Variants in GTF2A1L observed in about 807,000 individuals in gnomAD.
GTF2A1L encodes the protein TFIIA-alpha and beta-like factor.
GTF2A1L carries 48 observed loss-of-function variants against 49.7 expected under a neutral mutation model. The observed-to-expected ratio is 0.97, with a 90% CI of 0.77 to 1.23. The LOEUF is 1.23. Among genes scored for constraint, GTF2A1L ranks in the 50% most tolerant of loss-of-function variants. The pLI, the probability that GTF2A1L is intolerant of heterozygous loss-of-function variation, is 0.00. For missense variants in GTF2A1L, 736 were observed against 564.8 expected, an observed-to-expected ratio of 1.30 and a Z score of -3.07; for synonymous variants, 246 against 193.5, an observed-to-expected ratio of 1.27 and a Z score of -2.25.
chr2:48,644,185 G>C (rs927974533), intron 4 of GTF2A1L, among the ~76,000 whole-genome samples: 8 of 152,034 alleles, frequency 5.3e-5, no homozygotes, highest in Non-Finnish European at 1.0e-4. Flanking sequence ...AAATAAAAAT[G>C]CAAAACATTT....
chr2:48,639,310 G>A (rs1558721924), intron 3 of GTF2A1L, among the ~76,000 whole-genome samples: 1 of 152,084 alleles, frequency 6.6e-6, no homozygotes, highest in African/African-American at 2.4e-5. Flanking sequence ...ATACTACAGG[G>A]CCACAGTAAC....
At chr2:48,635,867 C>G (rs1443589081) in intron 3 of GTF2A1L, among the ~76,000 whole-genome samples, 1 of 152,112 alleles carries the variant, frequency 6.6e-6, no homozygotes, top group Non-Finnish European at 1.5e-5. Context: ...TTTTCCCTCA[C>G]AGCGTCTCCA....
chr2:48,636,388 A>T (rs975856378), intron 3 of GTF2A1L, among the ~76,000 whole-genome samples: 2 of 152,170 alleles, frequency 1.3e-5, no homozygotes, highest in Non-Finnish European at 2.9e-5. Flanking sequence ...GGACTTTCTT[A>T]CCTTAAGTGA....
At chr2:48,656,881 A>T (rs1678210253) in intron 6 of GTF2A1L, among the ~76,000 whole-genome samples, 2 of 152,134 alleles carry the variant, frequency 1.3e-5, no homozygotes, top group Non-Finnish European at 2.9e-5. Flanking sequence ...TAGATGGTAT[A>T]AATTTAGGGT....
chr2:48,646,725 C>G lies in GTF2A1L; in HGVS notation c.661C>G (p.Pro221Ala). ...TGCCACCAGTGATATACTTGTATCT[C>G]CTGGAAATGAGCATAAAATCGTGCC... ...ENATSDILVS[P>A]GNEHKIVPEA... Residue 221 changes from proline (P) to alanine (A), a missense_variant, in exon 6 of 9, where the codon CCT becomes GCT. By Grantham distance (27) the Pro-to-Ala change is conservative (BLOSUM62 -1). Transcript: ENST00000403751. 6.2e-7 allele frequency: 1 copy of G among 1,614,188 alleles called. No homozygotes were observed. The highest frequency in any genetic ancestry group is 8.5e-7 in the Non-Finnish European group (1 of 1,180,022).
rs552247058 is a variant in GTF2A1L, at chr2:48,656,255, A to G, written c.978+9213A>G. Among the ~76,000 whole-genome samples, 9 of 151,954 alleles carry G rather than the reference A, an allele frequency of 5.9e-5. No individual in the cohort carries two copies. In the East Asian group the frequency reaches 1.5e-3, roughly 26 times the overall value. ...ACTTTTAATCTTATTAGGAACTGCCATACAGTTTCCATAGAGGCTGCACCA... is the reference window on the plus strand; with the variant it reads ...ACTTTTAATCTTATTAGGAACTGCCGTACAGTTTCCATAGAGGCTGCACCA... On this transcript the variant is annotated intron_variant, in intron 6 of 8. Transcript: ENST00000403751.
intron 6 of GTF2A1L, among the ~76,000 whole-genome samples, chr2:48,647,724 A>C (rs1002728195): frequency 4.6e-5 from 7 of 152,204 alleles, no homozygotes; most frequent in African/African-American, 1.7e-4. Context: ...TTGGTATTGA[A>C]ACCACTAAAA....
At chr2:48,665,640 C>A (rs1558764002) in intron 6 of GTF2A1L, among the ~76,000 whole-genome samples, 1 of 151,918 alleles carries the variant, frequency 6.6e-6, no homozygotes, top group Non-Finnish European at 1.5e-5. Context: ...AGATATCTTT[C>A]TGTTACTGGT....
rs545332703 is a variant in GTF2A1L at position 48,649,269 on chromosome 2, C to T, written c.978+2227C>T. Among the ~76,000 whole-genome samples, 6 of 152,152 alleles carry T rather than the reference C, an allele frequency of 3.9e-5. No homozygotes were observed. The South Asian group carries it at 1.2e-3, about 32-fold the overall frequency. On this transcript the variant is annotated intron_variant, in intron 6 of 8. Transcript: ENST00000403751. ...CGTAGCATGTGTCAGAATTTCATTC[C>T]TTTTTAAGGCTGAATCATGTGAGTT...
intron 6 of GTF2A1L, among the ~76,000 whole-genome samples, chr2:48,654,615 C>G (rs1678065073): frequency 6.6e-6 from 1 of 152,182 alleles, no homozygotes; most frequent in African/African-American, 2.4e-5. Context: ...ACCTCCTGAC[C>G]TCAGGTGATC....
Position 48,617,936 on chromosome 2 carries a change from G to C in GTF2A1L, c.21+41G>C, listed in dbSNP as rs1432291851. 6 of 1,548,888 alleles carry C rather than the reference G, an allele frequency of 3.9e-6. No homozygotes were observed. In the African/African-American group the frequency reaches 6.9e-5, roughly 18 times the overall value. On this transcript the variant is annotated intron_variant, in intron 1 of 8. Transcript: ENST00000403751. ...GGCTCTGTGTAGAGGGAGCGCCCTG[G>C]GACTCCGGGTTCACGGCAGCCGAAC...
chr2:48,669,053 C>T (rs1391440023), intron 6 of GTF2A1L, among the ~76,000 whole-genome samples: 3 of 151,830 alleles, frequency 2.0e-5, no homozygotes, highest in African/African-American at 7.3e-5. Flanking sequence ...GCCATTTTAC[C>T]CATTTTTAGG....
intron 6 of GTF2A1L, among the ~76,000 whole-genome samples, chr2:48,667,066 G>T (rs1451467788): frequency 6.6e-6 from 1 of 151,508 alleles, no homozygotes; most frequent in African/African-American, 2.4e-5. Flanking sequence ...CTGGGCTCAG[G>T]TGATCTTCCT....
chr2:48,629,240 CAA>C (rs111629981), intron 3 of GTF2A1L, among the ~76,000 whole-genome samples: 1 of 116,102 alleles, frequency 8.6e-6, no homozygotes. Context: ...GACTCCGTCT[CAA>C]AAAAAAAAAA....
intron 8 of GTF2A1L, among the ~76,000 whole-genome samples, chr2:48,674,041 C>G (rs577507880): frequency 3.3e-5 from 5 of 152,186 alleles, no homozygotes; most frequent in Non-Finnish European, 7.4e-5. Flanking sequence ...CCATAGATAC[C>G]TTTTTGCTGC....
In GTF2A1L at chr2:48,624,761, GGT is replaced by G. The variant is rs1491525567; in HGVS notation, c.247+3472_247+3473del. Among the ~76,000 whole-genome samples the G allele has an allele frequency of 1.7e-3, 19 of 11,188 alleles. 2 individuals carry two copies. Among genetic ancestry groups the G allele is most frequent in the East Asian group, 6.3e-3 (1 of 158 alleles). 7.3% of individuals were successfully genotyped at this position (11,188 alleles called of 152,430 possible). ...TTTTATTCTCTATGTCTGTATTTGT[GGT>G]TTTTTTTTTTTAACATATAAATGAG... On this transcript the variant is annotated intron_variant, in intron 3 of 8. Coordinates refer to ENST00000403751, the MANE Select transcript of GTF2A1L (RefSeq NM_006872.5).
At chr2:48,619,035 T>C (rs963721473) in intron 1 of GTF2A1L, among the ~76,000 whole-genome samples, 4 of 152,212 alleles carry the variant, frequency 2.6e-5, no homozygotes, top group African/African-American at 9.7e-5. Flanking sequence ...TAAACTGTTT[T>C]AGAAGAAGCA....
At chr2:48,625,553 G>A (rs1676246736) in intron 3 of GTF2A1L, among the ~76,000 whole-genome samples, 1 of 143,234 alleles carries the variant, frequency 7.0e-6, no homozygotes, top group African/African-American at 2.5e-5. Flanking sequence ...CTGTGCAGGA[G>A]CTTTTTAATT....
chr2:48,630,619 T>A lies in GTF2A1L; in HGVS notation c.247+9329T>A, dbSNP rs1446800944. Among the ~76,000 whole-genome samples the A allele has an allele frequency of 4.2e-5, 6 of 143,098 alleles. 2 individuals carry two copies. The highest frequency in any genetic ancestry group is 7.4e-5 in the African/African-American group (3 of 40,320). The allele number at this position is 143,098 out of a possible 152,430, so 93.9% of individuals were successfully genotyped here. On this transcript the variant is annotated intron_variant, in intron 3 of 8. Transcript: ENST00000403751. ...GATGCCTTTTACTTTTTCTCTTGAG[T>A]GATTGTTCTATACCTCCAGTATTAT...
Sources: allele counts gnomAD v4.1 joint callset (sites outside exome capture counted in the v4.1 genomes callset), GRCh38; gene constraint gnomAD v4.1.1; transcripts MANE v1.5; gene names NCBI Gene and HGNC (gene_info 2026-07-23, HGNC 2026-07-21).